GALNT9: variants seen among roughly 807,000 people sequenced by gnomAD.
GALNT9 encodes the protein polypeptide N-acetylgalactosaminyltransferase 9, also known as GalNAc transferase 9.
A neutral mutation model predicts 63.1 loss-of-function variants in GALNT9; 47 were observed. That is an observed-to-expected ratio of 0.75 (90% CI 0.59 to 0.95). The LOEUF is 0.95. Among genes scored for constraint, GALNT9 ranks in the 40% least tolerant of loss-of-function variants. GALNT9 has a pLI of 0.00. For missense variants in GALNT9, 829 were observed against 874.8 expected (o/e 0.95, Z 0.66); for synonymous variants, 396 against 365.7 (o/e 1.08, Z -0.94).
intron 1 of GALNT9, among the ~76,000 whole-genome samples, chr12:132,298,412 G>A (rs1555243459): frequency 7.1e-6 from 1 of 141,398 alleles, no homozygotes; most frequent in African/African-American, 2.7e-5. Context: ...TGATAACCAA[G>A]CCACTCCTGA....
rs989078478 is a variant in GALNT9 at position 132,296,383 on chromosome 12, G to A, written c.239-9953C>T. ...ACGCTCACCACCCCATCCACTGATG[G>A]CCCAGCTGTGGGCTCTTCCCCGGAT... On this transcript the variant is annotated intron_variant, in intron 1 of 10. Transcript: ENST00000328957. The surrounding 1 kb of genome is among the most constrained non-coding windows in gnomAD (Gnocchi z 4.2). Among the ~76,000 whole-genome samples the A allele has an allele frequency of 1.8e-4, 27 of 152,216 alleles. No homozygotes were observed. Among genetic ancestry groups the A allele is most frequent in the Admixed American group, 3.3e-4 (5 of 15,276 alleles).
rs56265021 is a variant in GALNT9, at chr12:132,267,791, G to A, written c.420-5166C>T. On this transcript the variant is annotated intron_variant, in intron 2 of 10. Transcript: ENST00000328957. ...TGCACTCACACACACGCACACACAC[G>A]CACTCACACGCACTCACACACGCAC... Among the ~76,000 whole-genome samples, 182 of 48,236 alleles carry A rather than the reference G, an allele frequency of 3.8e-3. 2 individuals carry two copies. The highest frequency in any genetic ancestry group is 0.016 in the African/African-American group (150 of 9,430). The allele number at this position is 48,236 out of a possible 152,430, so 31.6% of individuals were successfully genotyped here. A position where few individuals can be genotyped will look rare whatever the true frequency, so the allele number is the denominator to read the frequency against.
rs577155597 is a variant in GALNT9, at chr12:132,214,388, C to T, written c.1078-10698G>A. Among the ~76,000 whole-genome samples, 152 of 152,312 alleles carry T rather than the reference C, an allele frequency of 1.0e-3. 1 individual carries two copies. The highest frequency in any genetic ancestry group is 1.8e-3 in the African/African-American group (75 of 41,574). ...TTTGACATCTGGAACCTCACTAGCC[C>T]GAGAGGCCTGCCCCTCCCGGGTGAG... is the stretch of plus-strand genomic sequence containing the variant. On this transcript the variant is annotated intron_variant, in intron 6 of 10. Transcript: ENST00000328957.
chr12:132,268,859 G>A (rs782341725), intron 2 of GALNT9, among the ~76,000 whole-genome samples: 7 of 152,236 alleles, frequency 4.6e-5, no homozygotes, highest in Non-Finnish European at 8.8e-5. Context: ...AAAGGCTGAC[G>A]TGCAGCCGAC....
intron 6 of GALNT9, among the ~76,000 whole-genome samples, chr12:132,215,763 G>C (rs1282775470): frequency 2.0e-5 from 3 of 152,192 alleles, no homozygotes; most frequent in Non-Finnish European, 4.4e-5. Context: ...GCATGGGCGG[G>C]GGGCAGCCTC....
intron 7 of GALNT9, among the ~76,000 whole-genome samples, chr12:132,202,113 G>A (rs1443250234): frequency 1.3e-5 from 2 of 152,248 alleles, no homozygotes; most frequent in East Asian, 1.9e-4. Context: ...TTGGTAAAGT[G>A]GGGACGATCA....
At chr12:132,213,241 G>A (rs1323724959) in intron 6 of GALNT9, among the ~76,000 whole-genome samples, 2 of 54,554 alleles carry the variant, frequency 3.7e-5, no homozygotes, top group East Asian at 1.1e-3. Context: ...CTCAGACCTC[G>A]ACACGGAAAC....
At chr12:132,320,709 G>A (rs1294084455) in intron 1 of GALNT9, among the ~76,000 whole-genome samples, 1 of 152,264 alleles carries the variant, frequency 6.6e-6, no homozygotes, top group Admixed American at 6.5e-5. Context: ...CCATGTCCCT[G>A]GGCCAGCTCA....
intron 7 of GALNT9, among the ~76,000 whole-genome samples, chr12:132,201,644 A>AT (rs34570945): frequency 6.6e-6 from 1 of 151,946 alleles, no homozygotes; most frequent in East Asian, 1.9e-4. Context: ...AGCCATATCC[A>AT]GAGACCAGCC....
chr12:132,250,650 G>T (rs1012105387), intron 5 of GALNT9, among the ~76,000 whole-genome samples: 2 of 152,210 alleles, frequency 1.3e-5, no homozygotes, highest in East Asian at 3.8e-4. Context: ...AATTAGCCGG[G>T]CGTGGTGGTG....
chr12:132,240,431 AGACATG>A, intron 6 of GALNT9: 1 of 360,766 alleles, frequency 2.8e-6, no homozygotes, highest in Non-Finnish European at 5.4e-6. Flanking sequence ...TGTTCAGCGC[AGACATG>A]GCCTCAGAAC....
At chr12:132,244,962 C>T (rs1206836363) in intron 6 of GALNT9, among the ~76,000 whole-genome samples, 3 of 150,618 alleles carry the variant, frequency 2.0e-5, no homozygotes, top group Admixed American at 2.0e-4. Context: ...CTTTCAAGCC[C>T]CCAGGACGGG....
intron 6 of GALNT9, among the ~76,000 whole-genome samples, chr12:132,243,274 C>G (rs1200987040): frequency 1.3e-5 from 2 of 148,500 alleles, no homozygotes. Flanking sequence ...CCATTACACA[C>G]ACAACACACA....
chr12:132,217,627 TTCAC>T (rs1369696839), intron 6 of GALNT9, among the ~76,000 whole-genome samples: 1 of 135,088 alleles, frequency 7.4e-6, no homozygotes, highest in African/African-American at 2.8e-5. Flanking sequence ...CATCCATCCA[TTCAC>T]CCATCCCATC....
intron 6 of GALNT9, among the ~76,000 whole-genome samples, chr12:132,215,663 C>A (rs1426532144): frequency 6.6e-6 from 1 of 152,262 alleles, no homozygotes; most frequent in Non-Finnish European, 1.5e-5. Flanking sequence ...TCAGGACACA[C>A]ATGCCAACCA....
At chr12:132,239,851 C>G (rs1878175682) in intron 6 of GALNT9, among the ~76,000 whole-genome samples, 1 of 151,920 alleles carries the variant, frequency 6.6e-6, no homozygotes, top group Non-Finnish European at 1.5e-5. Flanking sequence ...GAGAGACAGA[C>G]ACAAGGAGAT....
chr12:132,231,523 GA>G (rs1877891023), intron 6 of GALNT9, among the ~76,000 whole-genome samples: 1 of 18,804 alleles, frequency 5.3e-5, no homozygotes, highest in Non-Finnish European at 8.7e-5. Flanking sequence ...TGGGGCGACA[GA>G]GGAGACAGCG....
chr12:132,302,097 G>C (rs994255998), intron 1 of GALNT9, among the ~76,000 whole-genome samples: 5 of 152,226 alleles, frequency 3.3e-5, no homozygotes, highest in South Asian at 2.1e-4. Flanking sequence ...CATGAATCTT[G>C]GTGCCAAGTC....
Position 132,236,179 on chromosome 12 carries a change from C to T in GALNT9, c.1077+11731G>A, listed in dbSNP as rs1390838786. Reference sequence around the variant, plus strand: ...GGGCTGGAGTTCAAGGTCAGACGGGCCTTTCAAATACAAGCAAATGCCAGC... The same window carrying T: ...GGGCTGGAGTTCAAGGTCAGACGGGTCTTTCAAATACAAGCAAATGCCAGC... On this transcript the variant is annotated intron_variant, in intron 6 of 10. Coordinates refer to ENST00000328957, the MANE Select transcript of GALNT9 (RefSeq NM_001122636.2). The surrounding 1 kb of genome is among the most constrained non-coding windows in gnomAD (Gnocchi z 5.6). Among the ~76,000 whole-genome samples, 1 of 152,120 alleles carries T rather than the reference C, an allele frequency of 6.6e-6. No homozygotes were observed. Among genetic ancestry groups the T allele is most frequent in the Non-Finnish European group, 1.5e-5 (1 of 68,014 alleles).
Sources: gnomAD v4.1 joint callset for allele counts (sites outside exome capture counted in the v4.1 genomes callset) on GRCh38, gnomAD v4.1.1 for gene constraint, Gnocchi (gnomAD v3.1) non-coding constraint, MANE v1.5 for transcripts, NCBI Gene and HGNC (gene_info 2026-07-23, HGNC 2026-07-21) for gene names.